The following VPS33B variants were observed in gnomAD, a reference collection of about 807,000 sequenced individuals.
VPS33B encodes VPS33B late endosome and lysosome associated.
VPS33B carries 80 observed loss-of-function variants against 95.3 expected under a neutral mutation model. The observed-to-expected ratio is 0.84, with a 90% confidence interval of 0.70 to 1.01. The LOEUF is 1.01. Among genes scored for constraint, VPS33B ranks in the 50% least tolerant of loss-of-function variants. The pLI is 0.00. For synonymous variants in VPS33B, 280 were observed against 280.4 expected, an observed-to-expected ratio of 1.00 and a Z score of 0.01; for missense variants, 715 against 773.4, an observed-to-expected ratio of 0.92 and a Z score of 0.90.
chr15:91,013,807 T>G lies in VPS33B; in HGVS notation c.354A>C (p.Gln118His). The G allele has an allele frequency of 1.2e-6, 2 of 1,614,126 alleles. No homozygotes were observed. Among genetic ancestry groups the G allele is most frequent in the Non-Finnish European group, 1.7e-6 (2 of 1,180,012 alleles). Residue 118 changes from glutamine to histidine, a missense_variant, in exon 5 of 23, where the codon CAA becomes CAC. Coordinates refer to ENST00000333371, the MANE Select transcript of VPS33B (RefSeq NM_018668.5). The surrounding 1 kb of genome is among the most constrained non-coding windows in gnomAD (Gnocchi z 4.5). ...TRKYKVIFSP[Q>H]KFYACEMVLE... ...TTCCTCCAGGATCCAAACTCACCTT[T>G]TGAGGGCTGAAGATCACTTTGTATT...
In VPS33B at chr15:91,007,463, T is replaced by C. The variant is rs1434924347; in HGVS notation, c.603+6A>G. ...GCTGGGACAACAGTACTGCTAGTGC[T>C]CTTACCTTGGCGCACCTGCCAATTC... On this transcript the variant is annotated splice_donor_region_variant and intron_variant, in intron 8 of 22. Transcript: ENST00000333371. This position sits in a 1 kb window ranked among gnomAD's most constrained non-coding sequence, Gnocchi z 5.3. 1.9e-6 allele frequency: 3 copies of C among 1,613,778 alleles called. No homozygotes were observed. Among genetic ancestry groups the C allele is most frequent in the Non-Finnish European group, 1.7e-6 (2 of 1,179,758 alleles).
Position 91,000,737 on chromosome 15 carries a change from A to C in VPS33B, c.1480-146T>G. 1.4e-6 allele frequency: 1 copy of C among 712,210 alleles called. No homozygotes were observed. Among genetic ancestry groups the C allele is most frequent in the Non-Finnish European group, 2.4e-6 (1 of 416,178 alleles). 44.1% of individuals were successfully genotyped at this position (712,210 alleles called of 1,614,324 possible). A position where few individuals can be genotyped will look rare whatever the true frequency, so the allele number is the denominator to read the frequency against. The stretch of plus-strand genomic sequence containing the variant: ...AATAGCCCTGAAAAGAGAATCCATA[A>C]CGGAAGATGGCAGTTTTTGTTCAGT... On this transcript the variant is annotated intron_variant, in intron 19 of 22. Transcript: ENST00000333371. The surrounding 1 kb of genome is among the most constrained non-coding windows in gnomAD (Gnocchi z 4.9).
At chr15:91,017,759 A>G in intron 2 of VPS33B, 46 bp downstream of exon 2, 5 of 1,586,962 alleles carry the variant, frequency 3.2e-6, no homozygotes, top group Non-Finnish European at 1.7e-6. Context: ...ATCAAAAGAA[A>G]AACTGCTTAA....
Position 91,007,732 on chromosome 15 carries a change from A to G in VPS33B, c.498+138T>C. On this transcript the variant is annotated intron_variant, in intron 7 of 22. Coordinates refer to ENST00000333371, the MANE Select transcript of VPS33B (RefSeq NM_018668.5). The surrounding 1 kb of genome is among the most constrained non-coding windows in gnomAD (Gnocchi z 5.3). ...GGAAGTCCCACAGAGACCAATCTGTAGCACTCAATCACCACATCACTATCA... is the reference window on the plus strand; with the variant it reads ...GGAAGTCCCACAGAGACCAATCTGTGGCACTCAATCACCACATCACTATCA... The G allele has an allele frequency of 1.8e-6, 2 of 1,142,744 alleles. No homozygotes were observed. The highest frequency in any genetic ancestry group is 2.6e-6 in the Non-Finnish European group (2 of 756,298). The allele number at this position is 1,142,744 out of a possible 1,614,324, so 70.8% of individuals were successfully genotyped here.
chr15:91,017,370 ATATATATAT>A (rs1567229577), intron 2 of VPS33B, among the ~76,000 whole-genome samples: 1,167 of 26,960 alleles, frequency 0.043, 200 homozygotes, highest in Middle Eastern at 0.17. Flanking sequence ...AAAATTAAAT[ATATATATAT>A]ATATATATAT....
chr15:91,000,448 G>T lies in VPS33B; in HGVS notation c.1581+42C>A. 2 of 1,557,728 alleles carry T rather than the reference G, an allele frequency of 1.3e-6. No individual in the cohort carries two copies. The highest frequency in any genetic ancestry group is 2.3e-5 in the East Asian group (1 of 43,958). On this transcript the variant is annotated intron_variant, in intron 20 of 22. Transcript: ENST00000333371. The surrounding 1 kb of genome is among the most constrained non-coding windows in gnomAD (Gnocchi z 4.9). Reference sequence around the variant, plus strand: ...ACGCCAGGGACCAAGAGAAAGCAGAGAGAATGAAATATGAATGGGAGCAAG... The same window carrying T: ...ACGCCAGGGACCAAGAGAAAGCAGATAGAATGAAATATGAATGGGAGCAAG...
chr15:91,006,974 C>G lies in VPS33B; in HGVS notation c.676G>C (p.Gly226Arg). 6.2e-7 allele frequency: 1 copy of G among 1,614,126 alleles called. No individual in the cohort carries two copies. Among genetic ancestry groups the G allele is most frequent in the Non-Finnish European group, 8.5e-7 (1 of 1,180,038 alleles). ...GETKGRRPEI[G>R]HIFLLDRDVD... ...CCTCTGTCCAAGAGAAAGATATGTC[C>G]AATCTCTGGCCTTCGGCCCTTGGTT... Residue 226 changes from glycine to arginine, a missense_variant, in exon 9 of 23, where the codon GGA becomes CGA. Gly to Arg is a moderately radical substitution (Grantham distance 125). Coordinates refer to ENST00000333371, the MANE Select transcript of VPS33B (RefSeq NM_018668.5). The surrounding 1 kb of genome is among the most constrained non-coding windows in gnomAD (Gnocchi z 5.4).
intron 3 of VPS33B, among the ~76,000 whole-genome samples, chr15:91,016,559 T>A (rs893388117): frequency 2.0e-5 from 3 of 151,876 alleles, no homozygotes; most frequent in African/African-American, 7.3e-5. Flanking sequence ...AATTTTCGTA[T>A]TTTTAGTAGA....
rs796637381 is a variant in VPS33B at position 91,016,375 on chromosome 15, C to CTTTTT, written c.239+583_239+587dup. On this transcript the variant is annotated intron_variant, in intron 3 of 22. Coordinates refer to ENST00000333371, the MANE Select transcript of VPS33B (RefSeq NM_018668.5). ...GTAATAAGAGGCCTTGCAGATTCTT[C>CTTTTT]TTTTTTTTTTTTTTTTTTTTTTTTT... 5.4e-3 allele frequency among the ~76,000 whole-genome samples: 520 copies of CTTTTT among 95,972 alleles called. 22 individuals are homozygous for CTTTTT. The highest frequency in any genetic ancestry group is 0.019 in the African/African-American group (452 of 23,636). The allele number at this position is 95,972 out of a possible 152,430, so 63.0% of individuals were successfully genotyped here.
chr15:90,999,142 C>T lies in VPS33B; in HGVS notation c.1775-88G>A. 2 of 1,230,508 alleles carry T rather than the reference C, an allele frequency of 1.6e-6. No individual in the cohort carries two copies. Among genetic ancestry groups the T allele is most frequent in the Non-Finnish European group, 2.4e-6 (2 of 845,228 alleles). 76.2% of individuals were successfully genotyped at this position (1,230,508 alleles called of 1,614,324 possible). ...TAGAGCCTCTCCAGTTCCACAGTCC[C>T]CACGGGATCACAGCACCAGTTTATA... On this transcript the variant is annotated intron_variant, in intron 22 of 22. Transcript: ENST00000333371. This position sits in a 1 kb window ranked among gnomAD's most constrained non-coding sequence, Gnocchi z 5.1.
At position 91,000,294 on chromosome 15, in the gene VPS33B, A is replaced by T. The variant is rs1240694668; in HGVS notation, c.1581+196T>A. Among the ~76,000 whole-genome samples the T allele has an allele frequency of 3.3e-5, 5 of 152,186 alleles. No homozygotes were observed. In the South Asian group the frequency reaches 8.3e-4, roughly 25 times the overall value. ...TGCCTGTAGTCCCAGCTACTTCGGA[A>T]GCTGAGGCAGGAGAATCACTTGAAT... On this transcript the variant is annotated intron_variant, in intron 20 of 22. Transcript: ENST00000333371. This position sits in a 1 kb window ranked among gnomAD's most constrained non-coding sequence, Gnocchi z 4.9.
At chr15:91,014,040 A>C (rs1190924125) in intron 4 of VPS33B, among the ~76,000 whole-genome samples, 169 bp from the exon 5 acceptor site, 1 of 152,066 alleles carries the variant, frequency 6.6e-6, no homozygotes, top group Non-Finnish European at 1.5e-5. Flanking sequence ...CAACATGGTG[A>C]AACTCTGTCT....
chr15:91,005,980 T>C lies in VPS33B; in HGVS notation c.932A>G (p.Gln311Arg). 1 of 1,614,114 alleles carries C rather than the reference T, an allele frequency of 6.2e-7. No individual in the cohort carries two copies. ...CAGGGCTTGGAGCCTCACATCATAC[T>C]GGGCCTGCAAGTTCCGGGCCTTCTG... is the stretch of plus-strand genomic sequence containing the variant. ...LSQKARNLQA[Q>R]YDRRRGMDIK... The change falls in exon 12 of 23, where the codon CAG becomes CGG. Residue 311 changes from glutamine to arginine, a missense_variant. By Grantham distance (43) the Gln-to-Arg change is conservative. Transcript: ENST00000333371. The surrounding 1 kb of genome is among the most constrained non-coding windows in gnomAD (Gnocchi z 6.4).
chr15:91,000,842 C>T lies in VPS33B; in HGVS notation c.1480-251G>A, dbSNP rs1288024064. 1.0e-5 allele frequency: 5 copies of T among 488,268 alleles called. No homozygotes were observed. The highest frequency in any genetic ancestry group is 1.9e-5 in the Non-Finnish European group (5 of 265,022). The allele number at this position is 488,268 out of a possible 1,614,324, so 30.2% of individuals were successfully genotyped here. ...GGGCTGGAGGGATGGCTTCTCCTTT[C>T]CCTACCCTTAAGTGACACAGGATAT... On this transcript the variant is annotated intron_variant, in intron 19 of 22. Coordinates refer to ENST00000333371, the MANE Select transcript of VPS33B (RefSeq NM_018668.5). This position sits in a 1 kb window ranked among gnomAD's most constrained non-coding sequence, Gnocchi z 4.9.
chr15:91,006,780 C>T lies in VPS33B; in HGVS notation c.701-51G>A, dbSNP rs1451345042. The T allele has an allele frequency of 8.1e-6, 13 of 1,608,782 alleles. No individual in the cohort carries two copies. The highest frequency in any genetic ancestry group is 1.1e-5 in the South Asian group (1 of 90,976). Reference sequence around the variant, plus strand: ...AGGTTCTCCCTGACCCAGCCTTCTACACAGCATGTCCAAGGGCAGCTTTGA... The same window carrying T: ...AGGTTCTCCCTGACCCAGCCTTCTATACAGCATGTCCAAGGGCAGCTTTGA... On this transcript the variant is annotated intron_variant, in intron 9 of 22. Transcript: ENST00000333371. This position sits in a 1 kb window ranked among gnomAD's most constrained non-coding sequence, Gnocchi z 5.4.
rs1820294656 is a variant in VPS33B, at chr15:91,013,990, G to A, written c.290-119C>T. The A allele has an allele frequency of 8.1e-7, 1 of 1,237,936 alleles. No individual in the cohort carries two copies. Among genetic ancestry groups the A allele is most frequent in the Non-Finnish European group, 1.2e-6 (1 of 846,910 alleles). The allele number at this position is 1,237,936 out of a possible 1,614,324, so 76.7% of individuals were successfully genotyped here. A position where few individuals can be genotyped will look rare whatever the true frequency, so the allele number is the denominator to read the frequency against. Reference sequence around the variant, plus strand: ...TCCCAGCACTTGGGAGGCTGAGGCGGGTGGATCACCTGAGGTCAGGAGTTT... The same window carrying A: ...TCCCAGCACTTGGGAGGCTGAGGCGAGTGGATCACCTGAGGTCAGGAGTTT... On this transcript the variant is annotated intron_variant, in intron 4 of 22. Transcript: ENST00000333371. The surrounding 1 kb of genome is among the most constrained non-coding windows in gnomAD (Gnocchi z 4.5).
Position 91,010,782 on chromosome 15 carries a change from A to G in VPS33B, c.358-936T>C, listed in dbSNP as rs1361311694. On this transcript the variant is annotated intron_variant, in intron 5 of 22. Coordinates refer to ENST00000333371, the MANE Select transcript of VPS33B (RefSeq NM_018668.5). This position sits in a 1 kb window ranked among gnomAD's most constrained non-coding sequence, Gnocchi z 5.7. ...GAAAACAGCAACAGTCAAGGCAGGA[A>G]AGGTGAGAGTTGCAAGGAAGGGTGG... 6.6e-6 allele frequency among the ~76,000 whole-genome samples: 1 copy of G among 152,146 alleles called. No individual in the cohort carries two copies. Among genetic ancestry groups the G allele is most frequent in the East Asian group, 1.9e-4 (1 of 5,192 alleles).
chr15:91,020,359 A>G (rs1330041927), intron 1 of VPS33B, among the ~76,000 whole-genome samples: 3 of 152,230 alleles, frequency 2.0e-5, no homozygotes, highest in Non-Finnish European at 4.4e-5. Context: ...CAAGCTGAAT[A>G]GCAGTGCACA....
chr15:91,001,352 A>AC (rs1567218978), intron 19 of VPS33B, 37 bp downstream of exon 19: 1 of 1,484,162 alleles, frequency 6.7e-7, no homozygotes, highest in Admixed American at 1.7e-5. Flanking sequence ...AATGGAATGA[A>AC]CCCACTGTCT....
Sources: gnomAD v4.1 joint callset for allele counts (sites outside exome capture counted in the v4.1 genomes callset) on GRCh38, gnomAD v4.1.1 for gene constraint, Gnocchi (gnomAD v3.1) non-coding constraint, MANE v1.5 for transcripts, NCBI Gene and HGNC (gene_info 2026-07-23, HGNC 2026-07-21) for gene names.